PPIL2: variants seen among roughly 807,000 people sequenced by gnomAD.
PPIL2 encodes peptidylprolyl isomerase like 2, also known as RING-type E3 ubiquitin-protein ligase PPIL2.
In PPIL2, 50 loss-of-function variants were observed where a neutral mutation model predicts 75.2. The observed-to-expected ratio is 0.66, with a 90% confidence interval of 0.53 to 0.84. The LOEUF is 0.84. Ranked by LOEUF, PPIL2 falls within the 40% of genes least tolerant of loss-of-function variation. PPIL2 has a pLI of 0.00. For synonymous variants in PPIL2, 245 were observed against 258.8 expected, an observed-to-expected ratio of 0.95 and a Z score of 0.51; for missense variants, 590 against 685.0, an observed-to-expected ratio of 0.86 and a Z score of 1.55.
chr22:21,672,929 C>T (rs1258927404), intron 5 of PPIL2, among the ~76,000 whole-genome samples: 4 of 152,338 alleles, frequency 2.6e-5, no homozygotes, highest in South Asian at 4.1e-4. Context: ...CCCTCCCTAC[C>T]GGGCCAGCAG....
chr22:21,696,446 T>A lies in PPIL2; in HGVS notation c.*956T>A. ...CCACTGGGCTCCAAGACTCTGCTCC[T>A]CCTGTCAGTCACTGACTCTGATGGC... On this transcript the variant is annotated 3_prime_UTR_variant, in exon 20 of 20. Transcript: ENST00000398831. 1.7e-6 allele frequency: 2 copies of A among 1,196,972 alleles called. No homozygotes were observed. The highest frequency in any genetic ancestry group is 2.1e-6 in the Non-Finnish European group (2 of 951,650). The allele number at this position is 1,196,972 out of a possible 1,614,324, so 74.1% of individuals were successfully genotyped here. A position where few individuals can be genotyped will look rare whatever the true frequency, so the allele number is the denominator to read the frequency against.
At chr22:21,679,620 A>T (rs2067019019) in intron 6 of PPIL2, among the ~76,000 whole-genome samples, 1 of 150,774 alleles carries the variant, frequency 6.6e-6, no homozygotes, top group Admixed American at 6.6e-5. Flanking sequence ...AACAAAACAA[A>T]AAAACGGGGT....
At chr22:21,682,261 T>TCC (rs1477944358) in intron 7 of PPIL2, among the ~76,000 whole-genome samples, 176 bp from the exon 8 acceptor site, 1 of 152,146 alleles carries the variant, frequency 6.6e-6, no homozygotes, top group Non-Finnish European at 1.5e-5. Context: ...CCCAGCCAGC[T>TCC]CCGCCTCTGT....
Position 21,670,628 on chromosome 22 carries a change from T to C in PPIL2, c.128+17T>C, listed in dbSNP as rs776346673. On this transcript the variant is annotated intron_variant, in intron 3 of 19. Coordinates refer to ENST00000398831, the MANE Select transcript of PPIL2 (RefSeq NM_014337.4). ...CCACTGCAGGTAAGAGTTTTGCGAG[T>C]TTACCTTTCCCTTGTAATTGTTCTC... 26 of 1,600,636 alleles carry C rather than the reference T, an allele frequency of 1.6e-5. No homozygotes were observed. The East Asian group carries it at 5.1e-4, about 32-fold the overall frequency.
chr22:21,693,668 C>T (rs111243287), intron 15 of PPIL2, 148 bp from the exon 16 acceptor site: 63 of 803,098 alleles, frequency 7.8e-5, no homozygotes, highest in African/African-American at 2.9e-4. Context: ...TGGTGGGCAG[C>T]GCAGGGAACC....
At chr22:21,681,278 C>T in intron 6 of PPIL2, 21 bp from the exon 7 acceptor site, 1 of 1,589,348 alleles carries the variant, frequency 6.3e-7, no homozygotes, top group Non-Finnish European at 8.6e-7. Context: ...ACTGGCCTCC[C>T]TGTGTGTGCC....
chr22:21,695,718 C>T lies in PPIL2; in HGVS notation c.*228C>T, dbSNP rs2067899481. On this transcript the variant is annotated 3_prime_UTR_variant, in exon 20 of 20. Transcript: ENST00000398831. ...CAGGACCTGGCCCAGCCAGAGCCCA[C>T]TGCTGGGACCTTCAAGCACAAGGCC... 1 of 1,353,462 alleles carries T rather than the reference C, an allele frequency of 7.4e-7. No homozygotes were observed. The highest frequency in any genetic ancestry group is 9.5e-7 in the Non-Finnish European group (1 of 1,048,092). The allele number at this position is 1,353,462 out of a possible 1,614,324, so 83.8% of individuals were successfully genotyped here. A position where few individuals can be genotyped will look rare whatever the true frequency, so the allele number is the denominator to read the frequency against.
chr22:21,687,959 CA>C, intron 13 of PPIL2, 113 bp from the exon 14 acceptor site: 2 of 1,395,420 alleles, frequency 1.4e-6, no homozygotes, highest in South Asian at 2.4e-5. Flanking sequence ...TCATTATCAC[CA>C]AGAGCCCAGC....
intron 14 of PPIL2, 114 bp from the exon 15 acceptor site, chr22:21,688,618 C>T (rs949901247): frequency 2.0e-5 from 20 of 998,630 alleles, no homozygotes; most frequent in Non-Finnish European, 2.9e-5. Context: ...ATCAAGTGCC[C>T]CTGCCCCAGG....
chr22:21,668,800 C>T (rs548034948), intron 1 of PPIL2, among the ~76,000 whole-genome samples: 8 of 149,004 alleles, frequency 5.4e-5, no homozygotes, highest in African/African-American at 1.7e-4. Flanking sequence ...CAAGCTCCGC[C>T]TCCCGGGTTC....
At position 21,696,897 on chromosome 22, in the gene PPIL2, C is replaced by A. The variant is rs1320354813; in HGVS notation, c.*1407C>A. ...TCCACTGCCACAGGCTGCCTGATGACCACTAGAGGTATGTCTGCCCCTCGT... is the reference window on the plus strand; with the variant it reads ...TCCACTGCCACAGGCTGCCTGATGAACACTAGAGGTATGTCTGCCCCTCGT... On this transcript the variant is annotated 3_prime_UTR_variant, in exon 20 of 20. Coordinates refer to ENST00000398831, the MANE Select transcript of PPIL2 (RefSeq NM_014337.4). 1 of 1,593,258 alleles carries A rather than the reference C, an allele frequency of 6.3e-7. No individual in the cohort carries two copies. Among genetic ancestry groups the A allele is most frequent in the South Asian group, 1.1e-5 (1 of 87,012 alleles).
intron 1 of PPIL2, among the ~76,000 whole-genome samples, chr22:21,669,015 AT>A (rs71318713): frequency 0.41 from 56,298 of 136,968 alleles, 12,378 homozygotes; most frequent in African/African-American, 0.6. Context: ...CTGGCCCTCT[AT>A]TTTTTTTTTT....
chr22:21,667,206 G>C (rs2066426015), intron 1 of PPIL2, among the ~76,000 whole-genome samples: 1 of 134,838 alleles, frequency 7.4e-6, no homozygotes, highest in Non-Finnish European at 1.5e-5. Context: ...GCCCAAGCTA[G>C]AGTGCAATGG....
intron 15 of PPIL2, among the ~76,000 whole-genome samples, chr22:21,692,150 A>G (rs1601593788): frequency 6.8e-6 from 1 of 146,898 alleles, no homozygotes; most frequent in African/African-American, 2.5e-5. Flanking sequence ...CTTCATCCTG[A>G]CAGTCTTTTT....
At position 21,686,989 on chromosome 22, in the gene PPIL2, C is replaced by G. The variant is rs1802747434; in HGVS notation, c.888C>G (p.His296Gln). ...AGGGCGACCTCAACCTGGAGCTGCACTGCGACCTGGTGGGTGTGGAGGCCA... is the reference window on the plus strand; with the variant it reads ...AGGGCGACCTCAACCTGGAGCTGCAGTGCGACCTGGTGGGTGTGGAGGCCA... ...TNKGDLNLEL[H>Q]CDLTPKTCEN... Residue 296 changes from histidine to glutamine, a missense_variant, in exon 12 of 20, where the codon CAC (histidine) becomes CAG (glutamine). Transcript: ENST00000398831. 1 of 1,613,176 alleles carries G rather than the reference C, an allele frequency of 6.2e-7. No homozygotes were observed. The highest frequency in any genetic ancestry group is 8.5e-7 in the Non-Finnish European group (1 of 1,179,816).
chr22:21,666,214 C>T (rs981784151), intron 1 of PPIL2, 83 bp downstream of exon 1: 1 of 1,442,936 alleles, frequency 6.9e-7, no homozygotes, highest in Admixed American at 2.1e-5. Context: ...CTCGCCTTCC[C>T]TCTCAGCTAC....
chr22:21,696,360 A>G lies in PPIL2; in HGVS notation c.*870A>G. Reference sequence around the variant, plus strand: ...GAGGCCAGTGTCTCCTGCTGTGAGAACAAGTGGATGTCCCTCTCCCCGCCC... The same window carrying G: ...GAGGCCAGTGTCTCCTGCTGTGAGAGCAAGTGGATGTCCCTCTCCCCGCCC... On this transcript the variant is annotated 3_prime_UTR_variant, in exon 20 of 20. Coordinates refer to ENST00000398831, the MANE Select transcript of PPIL2 (RefSeq NM_014337.4). The G allele has an allele frequency of 4.4e-6, 5 of 1,142,044 alleles. No homozygotes were observed. The highest frequency in any genetic ancestry group is 5.4e-6 in the Non-Finnish European group (5 of 921,848). 70.7% of individuals were successfully genotyped at this position (1,142,044 alleles called of 1,614,324 possible).
intron 5 of PPIL2, among the ~76,000 whole-genome samples, chr22:21,673,184 G>A (rs2066702528): frequency 6.6e-6 from 1 of 152,212 alleles, no homozygotes; most frequent in Admixed American, 6.5e-5. Context: ...CTTAGGGAGG[G>A]CACTCTTCTT....
At chr22:21,685,731 G>A (rs529857680) in intron 10 of PPIL2, 8 of 440,320 alleles carry the variant, frequency 1.8e-5, no homozygotes, top group Non-Finnish European at 2.7e-5. Context: ...TTACAGGTGT[G>A]AGCCACTGTG....
Sources: gnomAD v4.1 joint callset for allele counts (sites outside exome capture counted in the v4.1 genomes callset) on GRCh38, gnomAD v4.1.1 for gene constraint, MANE v1.5 for transcripts, NCBI Gene and HGNC (gene_info 2026-07-23, HGNC 2026-07-21) for gene names.